Variants in LAMP3 observed in about 807,000 individuals in gnomAD.
The protein encoded by LAMP3 is lysosome associated membrane protein 3, also known as lysosome-associated membrane glycoprotein 3.
Under a neutral mutation model 34.8 loss-of-function variants are expected in LAMP3, and 26 were observed. The observed-to-expected ratio is 0.75, with a 90% CI of 0.55 to 1.04. The LOEUF (loss-of-function observed/expected upper bound fraction) is 1.04. LAMP3 is among the 50% of genes least tolerant of loss of function. LAMP3 has a pLI of 0.00. For synonymous variants in LAMP3, 180 were observed against 201.9 expected, an observed-to-expected ratio of 0.89 and a Z score of 0.92; for missense variants, 495 against 524.0, an observed-to-expected ratio of 0.94 and a Z score of 0.54.
chr3:183,163,371 C>T (rs907972080), upstream of LAMP3, among the ~76,000 whole-genome samples: 1 of 151,552 alleles, frequency 6.6e-6, no homozygotes, highest in African/African-American at 2.4e-5. Context: ...GGCGGGATCT[C>T]GGCTCACTGC....
At position 183,135,733 on chromosome 3, in the gene LAMP3, A is replaced by G. The variant is rs1223027143; in HGVS notation, c.1101T>C (p.Asp367=). 6 of 1,614,108 alleles carry G rather than the reference A, an allele frequency of 3.7e-6. No homozygotes were observed. The highest frequency in any genetic ancestry group is 1.3e-5 in the African/African-American group (1 of 74,950). The change falls in exon 5 of 6, where the codon GAT becomes GAC. Residue 367 remains aspartate (D), a synonymous_variant. Transcript: ENST00000265598. ...TTAACTTACCATTTCCAAAGTGGTCATCTTCAAAATCAAAGGCTTGAAGTT... is the reference window on the plus strand; with the variant it reads ...TTAACTTACCATTTCCAAAGTGGTCGTCTTCAAAATCAAAGGCTTGAAGTT... ...DVQLQAFDFE[D]DHFGNVDECS... is the part of the protein sequence containing the mutation.
chr3:183,126,705 A>G (rs1719789194), intron 5 of LAMP3, among the ~76,000 whole-genome samples: 2 of 152,178 alleles, frequency 1.3e-5, no homozygotes, highest in Admixed American at 6.5e-5. Flanking sequence ...CCCCAAGACC[A>G]TCCACCAAGA....
At chr3:183,136,673 A>AAAAAT (rs1720105334) in intron 4 of LAMP3, among the ~76,000 whole-genome samples, 1 of 147,092 alleles carries the variant, frequency 6.8e-6, no homozygotes, top group African/African-American at 2.5e-5. Flanking sequence ...AAAAAAAACA[A>AAAAAT]CTCATTAGGA....
intron 5 of LAMP3, among the ~76,000 whole-genome samples, chr3:183,135,074 C>A (rs1720041369): frequency 6.6e-6 from 1 of 152,206 alleles, no homozygotes; most frequent in South Asian, 2.1e-4. Context: ...CTGCTCTTGG[C>A]CCTTGCCCAG....
intron 2 of LAMP3, among the ~76,000 whole-genome samples, chr3:183,153,262 T>C (rs970156665): frequency 2.0e-5 from 3 of 152,172 alleles, no homozygotes; most frequent in Admixed American, 6.5e-5. Context: ...CTCGGTTTTC[T>C]TGTTCATGTG....
At chr3:183,132,447 A>G in intron 5 of LAMP3, 1 of 982,462 alleles carries the variant, frequency 1.0e-6, no homozygotes, top group African/African-American at 1.7e-5. Flanking sequence ...AAAATGTATA[A>G]GAAAAATCAG....
chr3:183,125,295 G>C (rs1719756534), intron 5 of LAMP3, among the ~76,000 whole-genome samples: 1 of 152,084 alleles, frequency 6.6e-6, no homozygotes, highest in East Asian at 1.9e-4. Context: ...CCTGAACCAA[G>C]GATCACCATC....
chr3:183,138,482 T>A (rs565753696), intron 4 of LAMP3, among the ~76,000 whole-genome samples: 3 of 152,146 alleles, frequency 2.0e-5, no homozygotes, highest in Non-Finnish European at 4.4e-5. Context: ...AAAACAGACA[T>A]GAAAACTCTT....
At position 183,152,365 on chromosome 3, in the gene LAMP3, C is replaced by G; in HGVS notation, c.888+10G>C. 1 of 1,600,568 alleles carries G rather than the reference C, an allele frequency of 6.2e-7. No individual in the cohort carries two copies. On this transcript the variant is annotated intron_variant, in intron 3 of 5. Coordinates refer to ENST00000265598, the MANE Select transcript of LAMP3 (RefSeq NM_014398.4). Reference sequence around the variant, plus strand: ...CAGATGCAGTTTGTGCAAAGGAGCTCAGGCCTCACCTTGGTAAATGTGAGA... The same window carrying G: ...CAGATGCAGTTTGTGCAAAGGAGCTGAGGCCTCACCTTGGTAAATGTGAGA...
At chr3:183,143,739 G>A (rs912059543) in intron 3 of LAMP3, among the ~76,000 whole-genome samples, 1 of 152,134 alleles carries the variant, frequency 6.6e-6, no homozygotes, top group African/African-American at 2.4e-5. Flanking sequence ...CACAATTTAT[G>A]CTATGGAATG....
intron 3 of LAMP3, among the ~76,000 whole-genome samples, chr3:183,147,113 T>C (rs922736891): frequency 6.6e-6 from 1 of 151,890 alleles, no homozygotes; most frequent in Non-Finnish European, 1.5e-5. Flanking sequence ...CGTGGTGGCA[T>C]GCACCTGTAG....
chr3:183,148,512 G>C (rs558609201), intron 3 of LAMP3, among the ~76,000 whole-genome samples: 20 of 152,244 alleles, frequency 1.3e-4, no homozygotes, highest in African/African-American at 4.8e-4. Flanking sequence ...CTAATAATTT[G>C]ATTAAAAAAA....
At chr3:183,131,108 T>A (rs1719906047) in intron 5 of LAMP3, among the ~76,000 whole-genome samples, 2 of 152,154 alleles carry the variant, frequency 1.3e-5, no homozygotes, top group South Asian at 4.1e-4. Flanking sequence ...CTAAAAATAA[T>A]CAGTACTGGG....
rs1376845344 is a variant in LAMP3 at position 183,154,409 on chromosome 3, A to AAAGTGTT, written c.50-25_50-19dup. 23 of 1,562,876 alleles carry AAAGTGTT rather than the reference A, an allele frequency of 1.5e-5. No individual in the cohort carries two copies. The highest frequency in any genetic ancestry group is 1.9e-5 in the Non-Finnish European group (22 of 1,149,678). ...CAAAATTACTGAAAATTAGGAAATA[A>AAAGTGTT]AAGTGTTAAAAACACTAACCGATTG... On this transcript the variant is annotated intron_variant, in intron 1 of 5. Transcript: ENST00000265598.
chr3:183,147,626 T>C (rs1303076291), intron 3 of LAMP3, among the ~76,000 whole-genome samples: 1 of 152,190 alleles, frequency 6.6e-6, no homozygotes, highest in Non-Finnish European at 1.5e-5. Context: ...TTTTTTTTTT[T>C]TTACTAGCTT....
At chr3:183,137,226 G>A (rs568829283) in intron 4 of LAMP3, among the ~76,000 whole-genome samples, 1 of 152,144 alleles carries the variant, frequency 6.6e-6, no homozygotes, top group African/African-American at 2.4e-5. Flanking sequence ...GGCTGAGGCA[G>A]GAGAATCTCT....
rs545164497 is a variant in LAMP3, at chr3:183,152,433, C to T, written c.830G>A (p.Arg277Gln). 7.3e-5 allele frequency: 117 copies of T among 1,612,640 alleles called. 1 individual carries two copies. In the South Asian group the frequency reaches 1.2e-3, roughly 16 times the overall value. The change falls in exon 3 of 6, where the codon CGA (arginine) becomes CAA (glutamine). Residue 277 changes from arginine to glutamine, a missense_variant. By Grantham distance (43) the Arg-to-Gln change is conservative (BLOSUM62 1). Transcript: ENST00000265598. ...AAAATTCAACAGAAGGTTGGATTTT[C>T]GGGTGCCACAGTTCCCAGAGGCTTG... The part of the protein sequence containing the change: ...ATQASGNCGT[R>Q]KSNLLLNFQG...
chr3:183,145,443 A>C (rs1328321950), intron 3 of LAMP3, among the ~76,000 whole-genome samples: 1 of 152,226 alleles, frequency 6.6e-6, no homozygotes, highest in African/African-American at 2.4e-5. Flanking sequence ...AGAGATCATG[A>C]GCAGCCTGTC....
At chr3:183,158,394 G>T (rs1023438636) in intron 1 of LAMP3, among the ~76,000 whole-genome samples, 1 of 152,076 alleles carries the variant, frequency 6.6e-6, no homozygotes, top group African/African-American at 2.4e-5. Context: ...CAGAAGCAAG[G>T]GCAGGCATAG....
Sources: allele counts gnomAD v4.1 joint callset (sites outside exome capture counted in the v4.1 genomes callset), GRCh38; gene constraint gnomAD v4.1.1; transcripts MANE v1.5; gene names NCBI Gene and HGNC (gene_info 2026-07-23, HGNC 2026-07-21).